The following TEKT1 variants were observed in gnomAD, a reference collection of about 807,000 sequenced individuals.
The protein encoded by TEKT1 is tektin 1, also known as tektin-1.
TEKT1 carries 32 observed loss-of-function variants against 34.8 expected under a neutral mutation model. The observed-to-expected ratio is 0.92, with a 90% confidence interval of 0.69 to 1.23. The LOEUF (loss-of-function observed/expected upper bound fraction) is 1.23, where lower values mean the gene tolerates loss of function less well. Among genes scored for constraint, TEKT1 ranks in the 50% most tolerant of loss-of-function variants. The pLI is 0.00. For synonymous variants in TEKT1, 207 were observed against 199.8 expected (o/e 1.04, Z -0.30); for missense variants, 492 against 518.5 (o/e 0.95, Z 0.50).
Position 6,820,953 on chromosome 17 carries a change from G to A in TEKT1, c.191-1595C>T, listed in dbSNP as rs193081409. ...TTCATTCTATTTGGCTGTGCCCTGA[G>A]TTACAGTTTGTAACTCTTTTTTATT... On this transcript the variant is annotated intron_variant, in intron 2 of 7. Coordinates refer to ENST00000338694, the MANE Select transcript of TEKT1 (RefSeq NM_053285.2). Among the ~76,000 whole-genome samples, 54 of 152,272 alleles carry A rather than the reference G, an allele frequency of 3.5e-4. No individual in the cohort carries two copies. In the East Asian group the frequency reaches 4.6e-3, roughly 13 times the overall value.
intron 6 of TEKT1, among the ~76,000 whole-genome samples, chr17:6,810,217 T>C (rs547294381): frequency 6.6e-6 from 1 of 152,342 alleles, no homozygotes; most frequent in African/African-American, 2.4e-5. Flanking sequence ...AATTCCCTAA[T>C]GACATAGGAT....
intron 6 of TEKT1, among the ~76,000 whole-genome samples, chr17:6,809,986 G>A (rs1346334769): frequency 6.6e-6 from 1 of 152,128 alleles, no homozygotes; most frequent in Non-Finnish European, 1.5e-5. Flanking sequence ...TAAGTTTTCA[G>A]CCCATCTGGG....
chr17:6,809,160 T>C (rs1194847404), intron 6 of TEKT1, among the ~76,000 whole-genome samples: 1 of 152,198 alleles, frequency 6.6e-6, no homozygotes, highest in Non-Finnish European at 1.5e-5. Context: ...TATTGATATA[T>C]TATTATTAAC....
chr17:6,815,733 T>C (rs1976996349), intron 4 of TEKT1, 101 bp downstream of exon 4: 7 of 1,534,474 alleles, frequency 4.6e-6, no homozygotes, highest in Middle Eastern at 1.8e-4. Context: ...GCGGGAATGT[T>C]GAACCCCTTT....
At chr17:6,818,115 C>A (rs1977032263) in intron 3 of TEKT1, among the ~76,000 whole-genome samples, 1 of 152,168 alleles carries the variant, frequency 6.6e-6, no homozygotes, top group Non-Finnish European at 1.5e-5. Context: ...CATCCCACTA[C>A]TGGGGACAAG....
chr17:6,824,250 C>T (rs9901607), intron 2 of TEKT1, among the ~76,000 whole-genome samples: 9,356 of 152,182 alleles, frequency 0.061, 823 homozygotes, highest in African/African-American at 0.19. Flanking sequence ...TTGATACATT[C>T]TTTGGGTAGT....
intron 3 of TEKT1, among the ~76,000 whole-genome samples, chr17:6,818,734 A>T (rs191287155): frequency 6.6e-6 from 1 of 152,192 alleles, no homozygotes. Context: ...GAATGTAGAC[A>T]TAATGGCTGG....
intron 2 of TEKT1, among the ~76,000 whole-genome samples, chr17:6,824,440 T>A (rs1409978424): frequency 6.6e-6 from 1 of 152,186 alleles, no homozygotes; most frequent in African/African-American, 2.4e-5. Context: ...ACTCTACACA[T>A]TAACTTGGAC....
chr17:6,806,443 A>C (rs1976845246), intron 6 of TEKT1, among the ~76,000 whole-genome samples: 1 of 152,190 alleles, frequency 6.6e-6, no homozygotes, highest in East Asian at 1.9e-4. Context: ...TGAGTCTTTT[A>C]ATTGGAGCAT....
chr17:6,820,913 T>G (rs1015232694), intron 2 of TEKT1, among the ~76,000 whole-genome samples: 2 of 152,238 alleles, frequency 1.3e-5, no homozygotes, highest in Non-Finnish European at 2.9e-5. Flanking sequence ...AATGTCTTTA[T>G]TCTACCCTCG....
chr17:6,813,286 C>T (rs1334812737), intron 5 of TEKT1, among the ~76,000 whole-genome samples: 2 of 152,028 alleles, frequency 1.3e-5, no homozygotes, highest in East Asian at 1.9e-4. Context: ...CTCATGATGG[C>T]CAAGTGAGCT....
chr17:6,815,282 A>G lies in TEKT1; in HGVS notation c.510T>C (p.Asn170=), dbSNP rs1976988967. 2 of 1,614,196 alleles carry G rather than the reference A, an allele frequency of 1.2e-6. No homozygotes were observed. The highest frequency in any genetic ancestry group is 1.7e-6 in the Non-Finnish European group (2 of 1,180,044). The change falls in exon 5 of 8, where the codon AAT becomes AAC. Residue 170 remains asparagine, a synonymous_variant. Transcript: ENST00000338694. ...QIRMNRSAKY[N]LEKDLKDKFV... is the part of the protein sequence containing the mutation. ...ACTTGTCCTTCAAATCCTTCTCAAGATTGTACTTGGCAGAGCGGTTCATCC... is the reference window on the plus strand; with the variant it reads ...ACTTGTCCTTCAAATCCTTCTCAAGGTTGTACTTGGCAGAGCGGTTCATCC...
At chr17:6,820,833 A>G (rs9905635) in intron 2 of TEKT1, among the ~76,000 whole-genome samples, 9,363 of 152,164 alleles carry the variant, frequency 0.062, 822 homozygotes, top group African/African-American at 0.19. Context: ...ATGCTGAAGC[A>G]TATCCTTCAG....
In TEKT1 at chr17:6,808,562, G is replaced by T. The variant is rs56156342; in HGVS notation, c.852+4269C>A. On this transcript the variant is annotated intron_variant, in intron 6 of 7. Transcript: ENST00000338694. Reference sequence around the variant, plus strand: ...ATCACCCATCTTCTGCGTCGCTCACGCTGGGAGCTGTAGGCTGGAGCTGTT... The same window carrying T: ...ATCACCCATCTTCTGCGTCGCTCACTCTGGGAGCTGTAGGCTGGAGCTGTT... Among the ~76,000 whole-genome samples, 3 of 152,128 alleles carry T rather than the reference G, an allele frequency of 2.0e-5. No individual in the cohort carries two copies. In the East Asian group the frequency reaches 5.8e-4, roughly 29 times the overall value.
At chr17:6,813,096 G>A (rs774721379) in intron 5 of TEKT1, 43 bp from the exon 6 acceptor site, 2 of 1,561,162 alleles carry the variant, frequency 1.3e-6, no homozygotes, top group Non-Finnish European at 1.7e-6. Flanking sequence ...TATTTGGGGT[G>A]GGGAAGGGGG....
Position 6,815,943 on chromosome 17 carries a change from C to T in TEKT1, c.376G>A (p.Asp126Asn). 1 of 1,614,082 alleles carries T rather than the reference C, an allele frequency of 6.2e-7. No individual in the cohort carries two copies. The highest frequency in any genetic ancestry group is 8.5e-7 in the Non-Finnish European group (1 of 1,180,038). Reference protein sequence around the residue: ...LAYREKRIGIDLVHDTVEHEL... With the variant: ...LAYREKRIGINLVHDTVEHEL... ...TGCTCCACTGTGTCGTGCACCAGGT[C>T]AATGCCAATGCGCTTCTCCCTGGCA... is the stretch of plus-strand genomic sequence containing the variant. Residue 126 changes from aspartate to asparagine, a missense_variant, in exon 4 of 8, where the codon GAC becomes AAC. Coordinates refer to ENST00000338694, the MANE Select transcript of TEKT1 (RefSeq NM_053285.2).
chr17:6,829,624 C>A (rs12601022), intron 2 of TEKT1, among the ~76,000 whole-genome samples: 29,969 of 151,572 alleles, frequency 0.2, 3,095 homozygotes, highest in East Asian at 0.28. Flanking sequence ...CTGGGACTAA[C>A]AGCACATGCT....
intron 6 of TEKT1, among the ~76,000 whole-genome samples, chr17:6,810,864 G>A (rs546939084): frequency 2.6e-5 from 4 of 152,056 alleles, no homozygotes; most frequent in East Asian, 1.9e-4. Flanking sequence ...TCAGCCTCCC[G>A]AGTAGCTGTG....
chr17:6,803,159 T>C (rs1976799045), intron 6 of TEKT1, among the ~76,000 whole-genome samples: 1 of 152,216 alleles, frequency 6.6e-6, no homozygotes, highest in South Asian at 2.1e-4. Flanking sequence ...TTCTAACTGG[T>C]GTGAGATGGT....
Sources: allele counts gnomAD v4.1 joint callset (sites outside exome capture counted in the v4.1 genomes callset), GRCh38; gene constraint gnomAD v4.1.1; transcripts MANE v1.5; gene names NCBI Gene and HGNC (gene_info 2026-07-23, HGNC 2026-07-21).